Variants in PNPT1 observed in about 807,000 individuals in gnomAD.
PNPT1 encodes the protein polyribonucleotide nucleotidyltransferase 1.
A neutral mutation model predicts 119.5 loss-of-function variants in PNPT1; 53 were observed. That is an observed-to-expected ratio of 0.44 (90% CI 0.36 to 0.56). The LOEUF (loss-of-function observed/expected upper bound fraction) is 0.56, where lower values mean the gene tolerates loss of function less well. Among genes scored for constraint, PNPT1 ranks in the 20% least tolerant of loss-of-function variants. The probability of loss-of-function intolerance (pLI) is 0.00; values close to 1 mark genes in which losing one functional copy is unlikely to be tolerated. For synonymous variants in PNPT1, 357 were observed against 322.1 expected (o/e 1.11, Z -1.16); for missense variants, 948 against 938.5 (o/e 1.01, Z -0.13).
intron 15 of PNPT1, among the ~76,000 whole-genome samples, chr2:55,658,199 C>T (rs1696451832): frequency 6.6e-6 from 1 of 152,056 alleles, no homozygotes; most frequent in African/African-American, 2.4e-5. Flanking sequence ...TGCCACTGCA[C>T]TCCAGCCTGA....
At chr2:55,691,878 A>ATTTT (rs1227966046) in intron 1 of PNPT1, among the ~76,000 whole-genome samples, 46 of 33,064 alleles carry the variant, frequency 1.4e-3, no homozygotes, top group South Asian at 1.8e-3. Flanking sequence ...ATATATATAT[A>ATTTT]TTTTTTTTTT....
intron 18 of PNPT1, among the ~76,000 whole-genome samples, chr2:55,652,825 C>T (rs982145939): frequency 6.6e-6 from 1 of 152,178 alleles, no homozygotes; most frequent in African/African-American, 2.4e-5. Flanking sequence ...AGAGAAGTCC[C>T]TTCTGGCTTC....
chr2:55,657,966 A>G (rs564742936), intron 15 of PNPT1, among the ~76,000 whole-genome samples: 1 of 144,418 alleles, frequency 6.9e-6, no homozygotes, highest in Non-Finnish European at 1.5e-5. Context: ...GGCCGGGCAT[A>G]GTGGCTTATG....
chr2:55,636,249 AGAT>A lies in PNPT1; in HGVS notation c.2337_2339del (p.Ser780del). 6.2e-7 allele frequency: 1 copy of A among 1,607,564 alleles called. No homozygotes were observed. The highest frequency in any genetic ancestry group is 1.1e-5 in the South Asian group (1 of 89,368). On this transcript the variant is annotated inframe_deletion, in exon 28 of 28. Coordinates refer to ENST00000447944, the MANE Select transcript of PNPT1 (RefSeq NM_033109.5). ...TTAAAAAAAAAAATCACTGAGAATT[AGAT>A]GATGACTGTGAAATAGGTTCTCCCA... is the stretch of plus-strand genomic sequence containing the variant.
At chr2:55,649,276 AAAT>A (rs936972291) in intron 18 of PNPT1, among the ~76,000 whole-genome samples, 1 of 152,148 alleles carries the variant, frequency 6.6e-6, no homozygotes, top group East Asian at 1.9e-4. Flanking sequence ...TCATCTCTAT[AAAT>A]AATAATAATG....
At chr2:55,655,862 G>A (rs963655861) in intron 17 of PNPT1, among the ~76,000 whole-genome samples, 12 of 152,034 alleles carry the variant, frequency 7.9e-5, no homozygotes, top group Admixed American at 2.6e-4. Flanking sequence ...ACCTTGTTCT[G>A]TGGTTTGTTT....
chr2:55,680,146 T>C (rs1207007727), intron 7 of PNPT1, among the ~76,000 whole-genome samples: 1 of 152,212 alleles, frequency 6.6e-6, no homozygotes, highest in Non-Finnish European at 1.5e-5. Context: ...CTTGACAACC[T>C]GACCACACAA....
At chr2:55,648,125 A>G (rs766091846) in intron 18 of PNPT1, among the ~76,000 whole-genome samples, 12 of 152,280 alleles carry the variant, frequency 7.9e-5, no homozygotes, top group Non-Finnish European at 1.5e-4. Flanking sequence ...TTACCTCCCC[A>G]TGGCAGCTAA....
chr2:55,679,653 G>C, intron 8 of PNPT1, 29 bp downstream of exon 8: 1 of 1,446,624 alleles, frequency 6.9e-7, no homozygotes, highest in South Asian at 1.2e-5. Context: ...GTAAAATCCA[G>C]AACAAATGTG....
chr2:55,684,677 T>G (rs1697345283), intron 4 of PNPT1, among the ~76,000 whole-genome samples: 1 of 152,260 alleles, frequency 6.6e-6, no homozygotes, highest in Admixed American at 6.5e-5. Flanking sequence ...AATAGAGATT[T>G]ACTCATTTAG....
chr2:55,673,210 T>C, intron 8 of PNPT1, 131 bp from the exon 9 acceptor site: 1 of 663,864 alleles, frequency 1.5e-6, no homozygotes, highest in Non-Finnish European at 2.3e-6. Context: ...CCACCTTGAT[T>C]TCTTTCCTCA....
chr2:55,645,226 G>C, intron 22 of PNPT1, 123 bp downstream of exon 22: 1 of 578,070 alleles, frequency 1.7e-6, no homozygotes. Context: ...GGGTTTCACC[G>C]TGTTAGCCAG....
At chr2:55,667,369 C>T (rs908868347) in intron 12 of PNPT1, among the ~76,000 whole-genome samples, 1 of 152,030 alleles carries the variant, frequency 6.6e-6, no homozygotes. Flanking sequence ...CCGAGGCAGG[C>T]GGATCACGAG....
In PNPT1 at chr2:55,662,010, G is replaced by A; in HGVS notation, c.1193C>T (p.Thr398Ile). The A allele has an allele frequency of 1.3e-6, 2 of 1,577,132 alleles. No individual in the cohort carries two copies. The highest frequency in any genetic ancestry group is 1.7e-6 in the Non-Finnish European group (2 of 1,167,924). The stretch of plus-strand genomic sequence containing the variant: ...AATACCAGATTCTAATGAATCAAAT[G>A]TAACGGTACAAAGCACCTAAAAAAG... ...RGQTQVLCTV[T>I]FDSLESGIKS... Residue 398 changes from threonine (T) to isoleucine (I), a missense_variant, in exon 14 of 28, where the codon ACA (threonine) becomes ATA (isoleucine). Thr to Ile is a moderately conservative substitution (Grantham distance 89). Coordinates refer to ENST00000447944, the MANE Select transcript of PNPT1 (RefSeq NM_033109.5).
At chr2:55,687,942 G>T (rs1697464741) in intron 1 of PNPT1, among the ~76,000 whole-genome samples, 1 of 152,160 alleles carries the variant, frequency 6.6e-6, no homozygotes, top group African/African-American at 2.4e-5. Context: ...AAGTCTTTTG[G>T]AGGTTCAGAA....
At position 55,655,065 on chromosome 2, in the gene PNPT1, G is replaced by A. The variant is rs1480317766; in HGVS notation, c.1442-112C>T. The A allele has an allele frequency of 3.4e-5, 36 of 1,052,362 alleles. No homozygotes were observed. The Admixed American group carries it at 8.6e-4, about 25-fold the overall frequency. The allele number at this position is 1,052,362 out of a possible 1,614,324, so 65.2% of individuals were successfully genotyped here. A position where few individuals can be genotyped will look rare whatever the true frequency, so the allele number is the denominator to read the frequency against. ...TCAGTTACAATACAAATATTCAATAGTCTCTTCTTTTTAAAAGCAACTAAG... is the reference window on the plus strand; with the variant it reads ...TCAGTTACAATACAAATATTCAATAATCTCTTCTTTTTAAAAGCAACTAAG... On this transcript the variant is annotated intron_variant, in intron 17 of 27. Coordinates refer to ENST00000447944, the MANE Select transcript of PNPT1 (RefSeq NM_033109.5).
intron 18 of PNPT1, among the ~76,000 whole-genome samples, chr2:55,651,979 C>A (rs1696226881): frequency 6.6e-6 from 1 of 151,622 alleles, no homozygotes; most frequent in South Asian, 2.1e-4. Context: ...ACACACTACA[C>A]TGTAACTTCT....
chr2:55,677,367 G>A (rs1432656568), intron 8 of PNPT1, among the ~76,000 whole-genome samples: 1 of 152,150 alleles, frequency 6.6e-6, no homozygotes, highest in Non-Finnish European at 1.5e-5. Flanking sequence ...GCCGAAGCGG[G>A]CAGATCACTT....
chr2:55,667,795 T>C lies in PNPT1; in HGVS notation c.1073+67A>G, dbSNP rs1696783137. The C allele has an allele frequency of 2.6e-6, 4 of 1,545,178 alleles. No individual in the cohort carries two copies. In the Admixed American group the frequency reaches 9.5e-5, roughly 37 times the overall value. On this transcript the variant is annotated intron_variant, in intron 12 of 27. Transcript: ENST00000447944. ...AAAAACAAACTTTCTTTGATCAAGT[T>C]TCCATTTTCAAGGCAACTTGCAGAG... is the stretch of plus-strand genomic sequence containing the variant.
Sources: gnomAD v4.1 joint callset for allele counts (sites outside exome capture counted in the v4.1 genomes callset) on GRCh38, gnomAD v4.1.1 for gene constraint, MANE v1.5 for transcripts, NCBI Gene and HGNC (gene_info 2026-07-23, HGNC 2026-07-21) for gene names.